HFM1: variants seen among roughly 807,000 people sequenced by gnomAD.
HFM1 encodes helicase for meiosis 1.
HFM1 carries 169 observed loss-of-function variants against 192.1 expected under a neutral mutation model. The ratio of observed to expected loss-of-function variants is 0.88; its 90% confidence interval spans 0.78 to 1.00. The LOEUF (loss-of-function observed/expected upper bound fraction) is 1.00, where lower values mean the gene tolerates loss of function less well. Among genes scored for constraint, HFM1 ranks in the 50% least tolerant of loss-of-function variants. HFM1 has a pLI of 0.00. For missense variants in HFM1, 1,661 were observed against 1,668.0 expected, an observed-to-expected ratio of 1.00 and a Z score of 0.07; for synonymous variants, 525 against 537.8, an observed-to-expected ratio of 0.98 and a Z score of 0.33.
chr1:91,321,960 C>A (rs1557846771), intron 23 of HFM1, among the ~76,000 whole-genome samples: 1 of 152,102 alleles, frequency 6.6e-6, no homozygotes, highest in Non-Finnish European at 1.5e-5. Context: ...ATGAGAAAAT[C>A]AAGAGTTCTA....
At chr1:91,371,228 T>A (rs200668297) in intron 13 of HFM1, among the ~76,000 whole-genome samples, 4 of 145,636 alleles carry the variant, frequency 2.7e-5, no homozygotes, top group African/African-American at 7.6e-5. Context: ...CTTCACAGAA[T>A]TGGAAAAAAC....
At chr1:91,383,180 C>A (rs543772513) in intron 6 of HFM1, among the ~76,000 whole-genome samples, 9 of 152,006 alleles carry the variant, frequency 5.9e-5, no homozygotes, top group Non-Finnish European at 1.2e-4. Flanking sequence ...TAATAAAGAC[C>A]CCTAAACAAC....
chr1:91,385,750 A>G lies in HFM1; in HGVS notation c.579T>C (p.Ile193=), dbSNP rs747423625. 7.0e-5 allele frequency: 113 copies of G among 1,612,140 alleles called. No individual in the cohort carries two copies. The South Asian group carries it at 1.2e-3, about 17-fold the overall frequency. ...ELDSHIGSVK[I]VQTEMNKGKS... ...TCCCTTTGTTCATTTCTGTTTGTAC[A>G]ATTTTCACTGAGCCAATGTGAGAGT... is the stretch of plus-strand genomic sequence containing the variant. Residue 193 remains isoleucine, a synonymous_variant, in exon 5 of 39, where the codon ATT becomes ATC. Transcript: ENST00000370425.
At position 91,378,166 on chromosome 1, in the gene HFM1, A is replaced by G; in HGVS notation, c.1254T>C (p.Asp418=). The G allele has an allele frequency of 6.2e-7, 1 of 1,604,672 alleles. No homozygotes were observed. The highest frequency in any genetic ancestry group is 8.5e-7 in the Non-Finnish European group (1 of 1,176,678). ...CTTCAAGAGTTGGACCACGATTTTC[A>G]TCTTTTACAATATGTACCTAAGCAG... ...FLIDEVHIVK[D]ENRGPTLEVV... Residue 418 remains aspartate (D), a synonymous_variant, in exon 11 of 39, where the codon GAT becomes GAC. Transcript: ENST00000370425.
At chr1:91,385,039 G>T (rs966373674) in intron 6 of HFM1, 148 bp downstream of exon 6, 1 of 561,852 alleles carries the variant, frequency 1.8e-6, no homozygotes, top group Non-Finnish European at 3.1e-6. Context: ...CACCGCACCC[G>T]GCCACATGTA....
intron 30 of HFM1, among the ~76,000 whole-genome samples, chr1:91,309,780 T>C (rs1480377286): frequency 6.6e-6 from 1 of 152,156 alleles, no homozygotes; most frequent in Non-Finnish European, 1.5e-5. Flanking sequence ...ATCTCTGAAT[T>C]TGATAAGTAT....
chr1:91,328,414 G>T, intron 20 of HFM1: 1 of 1,600,884 alleles, frequency 6.2e-7, no homozygotes, highest in South Asian at 1.1e-5. Flanking sequence ...ACTAATTGCT[G>T]ATGTGGCCCC....
intron 19 of HFM1, among the ~76,000 whole-genome samples, chr1:91,344,272 G>C (rs1461996308): frequency 6.6e-6 from 1 of 152,118 alleles, no homozygotes; most frequent in Non-Finnish European, 1.5e-5. Flanking sequence ...TGGGAATACT[G>C]TAATAGTTCA....
At chr1:91,320,349 T>C (rs1651907158) in intron 23 of HFM1, among the ~76,000 whole-genome samples, 1 of 152,244 alleles carries the variant, frequency 6.6e-6, no homozygotes, top group South Asian at 2.1e-4. Flanking sequence ...TCACTTTTTT[T>C]GGCTATGGTA....
intron 20 of HFM1, among the ~76,000 whole-genome samples, chr1:91,332,987 T>C (rs1334923888): frequency 1.3e-5 from 2 of 152,192 alleles, no homozygotes; most frequent in African/African-American, 4.8e-5. Context: ...AGGGAACCCC[T>C]GTACACTGTG....
intron 13 of HFM1, among the ~76,000 whole-genome samples, chr1:91,369,857 G>A (rs532678633): frequency 6.6e-6 from 1 of 151,972 alleles, no homozygotes; most frequent in Non-Finnish European, 1.5e-5. Flanking sequence ...GACTAATAAA[G>A]AAGAAAAGAG....
chr1:91,316,512 A>G, intron 25 of HFM1, 36 bp from the exon 26 acceptor site: 1 of 966,712 alleles, frequency 1.0e-6, no homozygotes, highest in African/African-American at 1.7e-5. Flanking sequence ...CTTAAAAATA[A>G]TGCACTTTAA....
chr1:91,351,003 A>G, intron 17 of HFM1, 132 bp from the exon 18 acceptor site: 1 of 720,242 alleles, frequency 1.4e-6, no homozygotes, highest in Non-Finnish European at 2.1e-6. Context: ...TTCCAAAAAC[A>G]TAAAAGAAAA....
At chr1:91,398,885 G>A (rs1033926220) in intron 2 of HFM1, among the ~76,000 whole-genome samples, 11 of 151,988 alleles carry the variant, frequency 7.2e-5, no homozygotes, top group South Asian at 2.1e-4. Flanking sequence ...TAGAGATGGC[G>A]TTTCACCATG....
intron 28 of HFM1, among the ~76,000 whole-genome samples, 195 bp downstream of exon 28, chr1:91,315,620 T>C (rs1570921457): frequency 6.6e-6 from 1 of 152,200 alleles, no homozygotes; most frequent in Non-Finnish European, 1.5e-5. Context: ...GAGTACTAAA[T>C]ATAACAATTT....
intron 30 of HFM1, among the ~76,000 whole-genome samples, chr1:91,311,341 G>C (rs1650411365): frequency 6.6e-6 from 1 of 152,078 alleles, no homozygotes; most frequent in African/African-American, 2.4e-5. Context: ...GTTGTAAAAG[G>C]GGAACAGGGC....
chr1:91,289,237 A>G (rs439119), intron 30 of HFM1, among the ~76,000 whole-genome samples: 150,212 of 150,506 alleles, frequency 1, 74,959 homozygotes, highest in Non-Finnish European at 1. Flanking sequence ...TCGCGGCCGG[A>G]CAGAGGCGCT....
intron 18 of HFM1, 66 bp downstream of exon 18, chr1:91,350,669 CTTA>C: frequency 1.4e-6 from 2 of 1,411,722 alleles, no homozygotes; most frequent in African/African-American, 1.4e-5. Flanking sequence ...TATCCTGTAA[CTTA>C]TTAGTATAAA....
At chr1:91,270,983 G>T (rs1282839628) in intron 34 of HFM1, among the ~76,000 whole-genome samples, 1 of 152,062 alleles carries the variant, frequency 6.6e-6, no homozygotes, top group African/African-American at 2.4e-5. Context: ...TTTTTTGTCT[G>T]CCTGGTATGC....
Sources: gnomAD v4.1 joint callset for allele counts (sites outside exome capture counted in the v4.1 genomes callset) on GRCh38, gnomAD v4.1.1 for gene constraint, MANE v1.5 for transcripts, NCBI Gene and HGNC (gene_info 2026-07-23, HGNC 2026-07-21) for gene names.